Variants in KRT5 observed in about 807,000 individuals in gnomAD.
KRT5 encodes the protein keratin 5, also known as keratin, type II cytoskeletal 5.
A neutral mutation model predicts 44.0 loss-of-function variants in KRT5; 17 were observed. The ratio of observed to expected loss-of-function variants is 0.39; its 90% CI spans 0.26 to 0.58. The LOEUF is 0.58. Among genes scored for constraint, KRT5 ranks in the 20% least tolerant of loss-of-function variants. KRT5 has a pLI of 0.61. For synonymous variants in KRT5, 329 were observed against 312.8 expected, an observed-to-expected ratio of 1.05 and a Z score of -0.55; for missense variants, 737 against 785.5, an observed-to-expected ratio of 0.94 and a Z score of 0.74.
chr12:52,514,770 C>G lies in KRT5; in HGVS notation c.*172G>C, dbSNP rs1002474985. On this transcript the variant is annotated 3_prime_UTR_variant, in exon 9 of 9. Coordinates refer to ENST00000252242, the MANE Select transcript of KRT5 (RefSeq NM_000424.4). Reference sequence around the variant, plus strand: ...AATATAGAACTGCGGCACGGGAGACCAGGGGCTGGGAATGGGGCTCTCCTG... The same window carrying G: ...AATATAGAACTGCGGCACGGGAGACGAGGGGCTGGGAATGGGGCTCTCCTG... The G allele has an allele frequency of 1.6e-6, 1 of 642,498 alleles. No individual in the cohort carries two copies. Among genetic ancestry groups the G allele is most frequent in the Non-Finnish European group, 2.7e-6 (1 of 365,982 alleles). The allele number at this position is 642,498 out of a possible 1,614,324, so 39.8% of individuals were successfully genotyped here.
intron 6 of KRT5, 119 bp downstream of exon 6, chr12:52,516,988 G>A: frequency 2.0e-6 from 3 of 1,500,614 alleles, no homozygotes; most frequent in Non-Finnish European, 2.8e-6. Context: ...GCAGGACACT[G>A]AAACACTGGT....
chr12:52,517,035 CAAAAT>C, intron 6 of KRT5, 67 bp downstream of exon 6: 1 of 1,599,106 alleles, frequency 6.3e-7, no homozygotes, highest in Non-Finnish European at 8.6e-7. Context: ...AAAAGTAAAA[CAAAAT>C]AAAACAAAGT....
chr12:52,518,068 C>T, intron 3 of KRT5, 35 bp downstream of exon 3: 1 of 1,613,070 alleles, frequency 6.2e-7, no homozygotes, highest in Non-Finnish European at 8.5e-7. Flanking sequence ...GAGAGCATAG[C>T]TGCAGGCTGC....
In KRT5 at chr12:52,517,190, G is replaced by A. The variant is rs757966253; in HGVS notation, c.1135C>T (p.Leu379Phe). The change falls in exon 6 of 9, where the codon CTC becomes TTC. Residue 379 changes from leucine (L) to phenylalanine (F), a missense_variant. Physicochemically the swap from Leu to Phe is conservative, Grantham distance 22 (BLOSUM62 0). Transcript: ENST00000252242. Reference protein sequence around the residue: ...QQTAGRHGDDLRNTKHEISEM... With the variant: ...QQTAGRHGDDFRNTKHEISEM... ...GAGATCTCATGCTTGGTGTTGCGGA[G>A]GTCATCGCCATGCCGGCCAGCTGTC... The A allele has an allele frequency of 2.5e-6, 4 of 1,614,012 alleles. No homozygotes were observed. Among genetic ancestry groups the A allele is most frequent in the Non-Finnish European group, 3.4e-6 (4 of 1,179,932 alleles).
rs758065668 is a variant in KRT5, at chr12:52,517,946, A to G, written c.878T>C (p.Val293Ala). 7.4e-6 allele frequency: 12 copies of G among 1,614,226 alleles called. No individual in the cohort carries two copies. Among genetic ancestry groups the G allele is most frequent in the South Asian group, 3.3e-5 (3 of 91,082 alleles). ...GTTAATCTCATCCATCAGTGCATCA[A>G]CCTTGGCCTCCAGCTCCACCTTGTT... ...YMNKVELEAK[V>A]DALMDEINFM... The change falls in exon 4 of 9, where the codon GTT (valine) becomes GCT (alanine). Residue 293 changes from valine (V) to alanine (A), a missense_variant. Coordinates refer to ENST00000252242, the MANE Select transcript of KRT5 (RefSeq NM_000424.4).
intron 2 of KRT5, 114 bp from the exon 3 acceptor site, chr12:52,518,277 T>TAGGCAGAGAGGGAGGGGA: frequency 1.0e-6 from 1 of 974,480 alleles, no homozygotes; most frequent in Non-Finnish European, 1.7e-6. Flanking sequence ...CTTCTCCTCA[T>TAGGCAGAGAGGGAGGGGA]AGGCAGAGAG....
In KRT5 at chr12:52,519,993, C is replaced by A; in HGVS notation, c.304G>T (p.Gly102Cys). 1 of 1,613,874 alleles carries A rather than the reference C, an allele frequency of 6.2e-7. No homozygotes were observed. Among genetic ancestry groups the A allele is most frequent in the Non-Finnish European group, 8.5e-7 (1 of 1,179,974 alleles). Residue 102 changes from glycine to cysteine, a missense_variant, in exon 1 of 9, where the codon GGT becomes TGT. Physicochemically the swap from Gly to Cys is radical, Grantham distance 159. Coordinates refer to ENST00000252242, the MANE Select transcript of KRT5 (RefSeq NM_000424.4). The part of the protein sequence containing the change: ...GGGYGFGGGA[G>C]SGFGFGGGAG... ...CCACCGCCGAAACCAAATCCACTACCGGCACCACCTCCAAAGCCATAGCCG... is the reference window on the plus strand; with the variant it reads ...CCACCGCCGAAACCAAATCCACTACAGGCACCACCTCCAAAGCCATAGCCG...
rs147498164 is a variant in KRT5 at position 52,519,085 on chromosome 12, C to A, written c.631G>T (p.Val211Leu). 6.2e-7 allele frequency: 1 copy of A among 1,614,208 alleles called. No individual in the cohort carries two copies. The highest frequency in any genetic ancestry group is 1.1e-5 in the South Asian group (1 of 91,080). Residue 211 changes from valine (V) to leucine (L), a missense_variant, in exon 2 of 9, where the codon GTG becomes TTG. This residue lies in a region of KRT5 where 326 missense variants were observed against 333.1 expected (regional missense o/e 0.98). Transcript: ENST00000252242. ...AACAACGGCTCCAGGTTCTGCCTCA[C>A]AGTCTTGGTGCCCTGCTCCTGCAGC... Reference protein sequence around the residue: ...TLLQEQGTKTVRQNLEPLFEQ... With the variant: ...TLLQEQGTKTLRQNLEPLFEQ...
Position 52,520,318 on chromosome 12 carries a change from C to A in KRT5, c.-22G>T, listed in dbSNP as rs1223014773. ...ACATGGTGGCTTGTTCCTGGTGGAG[C>A]AAGAGAACCAGGCACTAGTGGGTTG... is the stretch of plus-strand genomic sequence containing the variant. On this transcript the variant is annotated 5_prime_UTR_variant, in exon 1 of 9. Transcript: ENST00000252242. 6.2e-7 allele frequency: 1 copy of A among 1,610,374 alleles called. No individual in the cohort carries two copies. Among genetic ancestry groups the A allele is most frequent in the Non-Finnish European group, 8.5e-7 (1 of 1,178,596 alleles).
rs1292246354 is a variant in KRT5, at chr12:52,517,114, T to C, written c.1211A>G (p.Lys404Arg). Residue 404 changes from lysine (K) to arginine (R), a missense_variant, in exon 6 of 9, where the codon AAG becomes AGG. Transcript: ENST00000252242. ...QRLRAEIDNV[K>R]KQCANLQNAI... is the part of the protein sequence containing the mutation. ...CTTTCAATCTCACCCTACCTGTTTCTTGACATTGTCAATCTCGGCTCTCAG... is the reference window on the plus strand; with the variant it reads ...CTTTCAATCTCACCCTACCTGTTTCCTGACATTGTCAATCTCGGCTCTCAG... 1.9e-6 allele frequency: 3 copies of C among 1,614,084 alleles called. No homozygotes were observed. The highest frequency in any genetic ancestry group is 1.3e-5 in the African/African-American group (1 of 74,942).
intron 1 of KRT5, 60 bp downstream of exon 1, chr12:52,519,682 C>A: frequency 6.6e-7 from 1 of 1,511,142 alleles, no homozygotes; most frequent in Non-Finnish European, 9.2e-7. Context: ...TTCCTTCTTT[C>A]TCTCTCTTTG....
At position 52,520,214 on chromosome 12, in the gene KRT5, G is replaced by A. The variant is rs1312675397; in HGVS notation, c.83C>T (p.Ser28Phe). ...GGACACGGAGGTGAAGCTGGTGCGGGAGACAGACGGGGTGATGGCAGAGGC... is the reference window on the plus strand; with the variant it reads ...GGACACGGAGGTGAAGCTGGTGCGGAAGACAGACGGGGTGATGGCAGAGGC... Reference protein sequence around the residue: ...STASAITPSVSRTSFTSVSRS... With the variant: ...STASAITPSVFRTSFTSVSRS... Residue 28 changes from serine to phenylalanine, a missense_variant, in exon 1 of 9, where the codon TCC becomes TTC. Ser to Phe is a radical substitution (Grantham distance 155). Around this residue, in one of 5 missense-constraint regions of KRT5, gnomAD observed 326 missense variants for 333.1 expected, o/e 0.98. Coordinates refer to ENST00000252242, the MANE Select transcript of KRT5 (RefSeq NM_000424.4). 3 of 1,614,146 alleles carry A rather than the reference G, an allele frequency of 1.9e-6. No individual in the cohort carries two copies. Among genetic ancestry groups the A allele is most frequent in the African/African-American group, 2.7e-5 (2 of 75,056 alleles).
chr12:52,518,785 C>T (rs1016663482), intron 2 of KRT5, among the ~76,000 whole-genome samples, 161 bp downstream of exon 2: 5 of 152,184 alleles, frequency 3.3e-5, no homozygotes, highest in African/African-American at 1.2e-4. Flanking sequence ...AAACATGAGC[C>T]TGGCTTGTGT....
rs1007089956 is a variant in KRT5, at chr12:52,520,097, T to C, written c.200A>G (p.Asn67Ser). 2.5e-6 allele frequency: 4 copies of C among 1,613,758 alleles called. No homozygotes were observed. Among genetic ancestry groups the C allele is most frequent in the Non-Finnish European group, 1.7e-6 (2 of 1,179,910 alleles). The stretch of plus-strand genomic sequence containing the variant: ...GGATATCCTCTTGGAGCCCCCCAGG[T>C]TGTAGAGGCTCCGGCTGCCATAGCC... ...VGGYGSRSLYNLGGSKRISIS... is the reference protein window; with the variant it reads ...VGGYGSRSLYSLGGSKRISIS... Residue 67 changes from asparagine (N) to serine (S), a missense_variant, in exon 1 of 9, where the codon AAC becomes AGC. Coordinates refer to ENST00000252242, the MANE Select transcript of KRT5 (RefSeq NM_000424.4).
Position 52,520,261 on chromosome 12 carries a change from C to G in KRT5, c.36G>C (p.Gly12=). 6.8e-6 allele frequency: 11 copies of G among 1,613,772 alleles called. No individual in the cohort carries two copies. Among genetic ancestry groups the G allele is most frequent in the Non-Finnish European group, 9.3e-6 (11 of 1,180,028 alleles). The change falls in exon 1 of 9, where the codon GGG becomes GGC. Residue 12 remains glycine, a synonymous_variant. Coordinates refer to ENST00000252242, the MANE Select transcript of KRT5 (RefSeq NM_000424.4). ...SRQSSVSFRS[G]GSRSFSTASA... The stretch of plus-strand genomic sequence containing the variant: ...AGGCGGTGCTGAAGCTACGACTGCC[C>G]CCGCTCCGGAAGGACACACTTGACT...
intron 2 of KRT5, 141 bp downstream of exon 2, chr12:52,518,805 T>C (rs1376769821): frequency 3.9e-6 from 4 of 1,022,928 alleles, no homozygotes; most frequent in Admixed American, 2.0e-5. Context: ...TATTTGTTTG[T>C]TTGTTTTAGT....
chr12:52,517,823 C>T (rs1332024049), intron 4 of KRT5, 69 bp from the exon 5 acceptor site: 2 of 1,610,152 alleles, frequency 1.2e-6, no homozygotes, highest in Non-Finnish European at 1.7e-6. Context: ...CCATTCAAAT[C>T]TTTCACTCAT....
chr12:52,518,843 C>T, intron 2 of KRT5, 103 bp downstream of exon 2: 2 of 1,394,698 alleles, frequency 1.4e-6, no homozygotes, highest in Non-Finnish European at 2.0e-6. Context: ...AAGGTATATC[C>T]TCCCAGCCCC....
Position 52,514,837 on chromosome 12 carries a change from T to C in KRT5, c.*105A>G. 2.0e-6 allele frequency: 2 copies of C among 1,011,424 alleles called. No individual in the cohort carries two copies. Among genetic ancestry groups the C allele is most frequent in the South Asian group, 2.8e-5 (2 of 71,942 alleles). 62.7% of individuals were successfully genotyped at this position (1,011,424 alleles called of 1,614,324 possible). On this transcript the variant is annotated 3_prime_UTR_variant, in exon 9 of 9. Coordinates refer to ENST00000252242, the MANE Select transcript of KRT5 (RefSeq NM_000424.4). The stretch of plus-strand genomic sequence containing the variant: ...GTTCTGCAATTGGCTTGGTCTAGAC[T>C]ACTCTCCAGAAAAGGATAAAACATG...
Sources: gnomAD v4.1 joint callset for allele counts (sites outside exome capture counted in the v4.1 genomes callset) on GRCh38, gnomAD v4.1.1 for gene constraint, gnomAD v4.1.1 regional missense constraint, MANE v1.5 for transcripts, NCBI Gene and HGNC (gene_info 2026-07-23, HGNC 2026-07-21) for gene names.